The following ELP4 variants were observed in gnomAD, a reference collection of about 807,000 sequenced individuals.
ELP4 encodes elongator complex protein 4.
In ELP4, 51 loss-of-function variants were observed where a neutral mutation model predicts 48.9. The ratio of observed to expected loss-of-function variants is 1.04; its 90% CI spans 0.83 to 1.32. The LOEUF is 1.32. Ranked by LOEUF, ELP4 falls within the 40% of genes most tolerant of loss-of-function variation. ELP4 has a pLI of 0.00. For missense variants in ELP4, 519 were observed against 514.6 expected (o/e 1.01, Z -0.08); for synonymous variants, 210 against 189.2 (o/e 1.11, Z -0.90).
At chr11:31,731,498 C>G (rs1006672173) in intron 9 of ELP4, among the ~76,000 whole-genome samples, 1 of 150,926 alleles carries the variant, frequency 6.6e-6, no homozygotes, top group Non-Finnish European at 1.5e-5. Flanking sequence ...TTGAAATTAT[C>G]CCGTCAGAGA....
intron 7 of ELP4, among the ~76,000 whole-genome samples, chr11:31,636,979 T>C (rs948167398): frequency 6.6e-6 from 1 of 152,004 alleles, no homozygotes; most frequent in African/African-American, 2.4e-5. Context: ...ATAGTTTTAG[T>C]ATCTGCCCAA....
At chr11:31,512,063 C>T (rs1464269297) in intron 1 of ELP4, 1 of 152,044 alleles carries the variant, frequency 6.6e-6, no homozygotes, top group Non-Finnish European at 1.5e-5. Context: ...TTAGTTTTAA[C>T]CTCTTAATGA....
At chr11:31,570,730 G>T (rs762240522) in intron 3 of ELP4, among the ~76,000 whole-genome samples, 8 of 149,440 alleles carry the variant, frequency 5.4e-5, no homozygotes, top group African/African-American at 1.5e-4. Flanking sequence ...CACTCGCCTC[G>T]GCCTCCCAAA....
chr11:31,540,853 T>C (rs2133908186), intron 3 of ELP4, among the ~76,000 whole-genome samples: 1 of 152,324 alleles, frequency 6.6e-6, no homozygotes, highest in Admixed American at 6.5e-5. Flanking sequence ...CATTGATTAA[T>C]ATTAGTTTTC....
intron 9 of ELP4, among the ~76,000 whole-genome samples, chr11:31,683,725 T>G (rs550219868): frequency 3.9e-5 from 6 of 152,290 alleles, no homozygotes; most frequent in Admixed American, 6.5e-5. Context: ...TTGTTTCTAT[T>G]TTAAAGAATT....
chr11:31,662,689 A>G, intron 9 of ELP4: 1 of 396,778 alleles, frequency 2.5e-6, no homozygotes, highest in East Asian at 3.6e-5. Context: ...AATGATTTAT[A>G]CTCTTAAAAT....
At chr11:31,753,342 C>T (rs1205549383) in intron 9 of ELP4, among the ~76,000 whole-genome samples, 4 of 152,162 alleles carry the variant, frequency 2.6e-5, no homozygotes, top group Non-Finnish European at 5.9e-5. Flanking sequence ...CTGGCCTCCT[C>T]ACTATTCCTG....
chr11:31,618,234 T>C (rs7479090), intron 5 of ELP4, among the ~76,000 whole-genome samples: 96,528 of 151,988 alleles, frequency 0.64, 33,118 homozygotes, highest in Non-Finnish European at 0.76. Context: ...TGTCTTAGTC[T>C]GTTTTGTGCT....
chr11:31,571,693 A>G (rs1475369542), intron 3 of ELP4, among the ~76,000 whole-genome samples: 1 of 152,224 alleles, frequency 6.6e-6, no homozygotes, highest in Non-Finnish European at 1.5e-5. Context: ...TCCATGGGCT[A>G]CAGAATGGAT....
intron 3 of ELP4, among the ~76,000 whole-genome samples, chr11:31,591,120 G>T (rs1380368358): frequency 6.6e-6 from 1 of 152,150 alleles, no homozygotes; most frequent in East Asian, 1.9e-4. Context: ...TTAAAAATGG[G>T]ATAAGGGCCA....
chr11:31,583,814 G>A (rs1254678280), intron 3 of ELP4, among the ~76,000 whole-genome samples: 1 of 152,154 alleles, frequency 6.6e-6, no homozygotes, highest in African/African-American at 2.4e-5. Flanking sequence ...AGAATTTTCT[G>A]TGGTGTTGGA....
intron 3 of ELP4, among the ~76,000 whole-genome samples, chr11:31,545,618 C>G (rs1454837411): frequency 1.3e-5 from 2 of 152,036 alleles, no homozygotes; most frequent in Admixed American, 6.5e-5. Context: ...CATTCAGATT[C>G]AGGAAATACA....
At chr11:31,763,745 A>C (rs1947993439) in intron 9 of ELP4, among the ~76,000 whole-genome samples, 1 of 152,026 alleles carries the variant, frequency 6.6e-6, no homozygotes, top group East Asian at 1.9e-4. Context: ...TGGTGTTCAG[A>C]ATGGTACCTT....
chr11:31,527,862 A>G (rs1346566640), intron 2 of ELP4, among the ~76,000 whole-genome samples: 1 of 152,066 alleles, frequency 6.6e-6, no homozygotes, highest in East Asian at 1.9e-4. Flanking sequence ...AAGGCCTTTA[A>G]CAATCTGCCA....
At chr11:31,561,121 A>G (rs1957018826) in intron 3 of ELP4, among the ~76,000 whole-genome samples, 1 of 152,180 alleles carries the variant, frequency 6.6e-6, no homozygotes, top group Admixed American at 6.5e-5. Context: ...TACATAATAC[A>G]CACACACTGA....
intron 9 of ELP4, among the ~76,000 whole-genome samples, chr11:31,692,325 A>G (rs74746454): frequency 0.013 from 2,034 of 152,298 alleles, 44 homozygotes; most frequent in African/African-American, 0.045. Context: ...AAGATACAAT[A>G]TAACTAGCCT....
chr11:31,525,215 G>C (rs1048028090), intron 2 of ELP4, among the ~76,000 whole-genome samples: 1 of 152,144 alleles, frequency 6.6e-6, no homozygotes, highest in Non-Finnish European at 1.5e-5. Context: ...GCCAATCGCT[G>C]TTTTGTGTTA....
chr11:31,755,730 C>T (rs930971482), intron 9 of ELP4, among the ~76,000 whole-genome samples: 2 of 99,258 alleles, frequency 2.0e-5, no homozygotes, highest in African/African-American at 6.6e-5. Flanking sequence ...CCTGGAATTA[C>T]AAAAAAAAAA....
chr11:31,599,514 CACACACACAAAA>C (rs1382552944), intron 4 of ELP4: 4 of 18,404 alleles, frequency 2.2e-4, no homozygotes, highest in African/African-American at 3.2e-4. Flanking sequence ...CACACACACA[CACACACACAAAA>C]AAAAAAAACC....
Sources: gnomAD v4.1 joint callset for allele counts (sites outside exome capture counted in the v4.1 genomes callset) on GRCh38, gnomAD v4.1.1 for gene constraint, MANE v1.5 for transcripts, NCBI Gene and HGNC (gene_info 2026-07-23, HGNC 2026-07-21) for gene names.